CDH18: variants seen among roughly 807,000 people sequenced by gnomAD.
The protein encoded by CDH18 is cadherin 18, also known as cadherin-18.
CDH18 carries 31 observed loss-of-function variants against 67.9 expected under a neutral mutation model. That is an observed-to-expected ratio of 0.46 (90% CI 0.34 to 0.62). The LOEUF is 0.62. Ranked by LOEUF, CDH18 falls within the 20% of genes least tolerant of loss-of-function variation. CDH18 has a pLI of 0.01. For missense variants in CDH18, 890 were observed against 975.5 expected (o/e 0.91, Z 1.17); for synonymous variants, 362 against 347.2 (o/e 1.04, Z -0.48).
intron 3 of CDH18, among the ~76,000 whole-genome samples, chr5:19,830,624 T>C (rs1454104590): frequency 6.6e-6 from 1 of 152,074 alleles, no homozygotes; most frequent in Non-Finnish European, 1.5e-5. Flanking sequence ...GAAATCAGTG[T>C]GGCAATTTTT....
intron 5 of CDH18, among the ~76,000 whole-genome samples, chr5:19,654,526 G>A (rs917767729): frequency 3.3e-5 from 5 of 152,142 alleles, no homozygotes; most frequent in African/African-American, 7.2e-5. Context: ...GCAGACAGGC[G>A]GGTTTAAGAG....
chr5:19,684,691 T>G (rs904443772), intron 5 of CDH18, among the ~76,000 whole-genome samples: 1 of 151,898 alleles, frequency 6.6e-6, no homozygotes. Flanking sequence ...AATTTGGAAT[T>G]GGATATATTT....
chr5:20,515,677 G>A (rs781396407), intron 1 of CDH18, among the ~76,000 whole-genome samples: 2 of 152,058 alleles, frequency 1.3e-5, no homozygotes, highest in Non-Finnish European at 2.9e-5. Context: ...TGGAGTGTCT[G>A]CCTTTGAACT....
chr5:19,989,054 G>T (rs1278469891), upstream of CDH18, among the ~76,000 whole-genome samples: 1 of 152,096 alleles, frequency 6.6e-6, no homozygotes, highest in Non-Finnish European at 1.5e-5. Flanking sequence ...TGATAACAGG[G>T]ATTTAAGGTC....
At chr5:19,479,978 A>G (rs1389758463) in intron 12 of CDH18, among the ~76,000 whole-genome samples, 2 of 152,346 alleles carry the variant, frequency 1.3e-5, no homozygotes, top group East Asian at 3.9e-4. Flanking sequence ...TGAAAACATA[A>G]AATGTTCTTT....
intron 4 of CDH18, among the ~76,000 whole-genome samples, chr5:19,726,368 TTG>T (rs1285160564): frequency 1.3e-5 from 2 of 152,162 alleles, no homozygotes; most frequent in Non-Finnish European, 2.9e-5. Flanking sequence ...TCTCACACAA[TTG>T]TCTTTGTGTG....
Position 19,968,234 on chromosome 5 carries a change from A to C in CDH18, c.-257+12826T>G, listed in dbSNP as rs927016326. The stretch of plus-strand genomic sequence containing the variant: ...AAAACATTCCATGCTCATGGGTGGG[A>C]AGAATCAATATCGTGAAAATGGCCA... On this transcript the variant is annotated intron_variant, in intron 2 of 12. Coordinates refer to ENST00000382275, the MANE Select transcript of CDH18 (RefSeq NM_004934.5). Among the ~76,000 whole-genome samples the C allele has an allele frequency of 1.3e-3, 196 of 152,218 alleles. 1 individual carries two copies. Among genetic ancestry groups the C allele is most frequent in the African/African-American group, 4.4e-3 (183 of 41,478 alleles).
At chr5:20,513,477 A>T (rs921156911) in intron 1 of CDH18, among the ~76,000 whole-genome samples, 5 of 152,146 alleles carry the variant, frequency 3.3e-5, no homozygotes, top group African/African-American at 1.2e-4. Context: ...TGGTCCAATG[A>T]CCAAAGTTTT....
At position 19,599,566 on chromosome 5, in the gene CDH18, C is replaced by T. The variant is rs565547832; in HGVS notation, c.812-8322G>A. Among the ~76,000 whole-genome samples, 9 of 151,826 alleles carry T rather than the reference C, an allele frequency of 5.9e-5. No individual in the cohort carries two copies. In the South Asian group the frequency reaches 8.4e-4, roughly 14 times the overall value. On this transcript the variant is annotated intron_variant, in intron 6 of 12. Transcript: ENST00000382275. Reference sequence around the variant, plus strand: ...TTATTAATAGTCATCAGCTCTGTGACGATATTTCATCTGATTTGTGTAGCA... The same window carrying T: ...TTATTAATAGTCATCAGCTCTGTGATGATATTTCATCTGATTTGTGTAGCA...
At chr5:20,097,198 C>T (rs573053385) in intron 2 of CDH18, among the ~76,000 whole-genome samples, 123 of 152,186 alleles carry the variant, frequency 8.1e-4, no homozygotes, top group African/African-American at 2.9e-3. Context: ...ACTAGCTCAT[C>T]CCCAGTTCCA....
At chr5:19,902,311 C>T (rs1426997100) in intron 2 of CDH18, among the ~76,000 whole-genome samples, 7 of 152,212 alleles carry the variant, frequency 4.6e-5, no homozygotes, top group South Asian at 4.2e-4. Flanking sequence ...TATGGCTGAA[C>T]GGATGGCAAA....
chr5:19,919,014 T>A (rs1308692686), intron 2 of CDH18, among the ~76,000 whole-genome samples: 1 of 151,528 alleles, frequency 6.6e-6, no homozygotes, highest in African/African-American at 2.4e-5. Context: ...AGACTGGAAA[T>A]GGTTGAGTGA....
At chr5:19,737,779 GATAC>G (rs1449667268) in intron 4 of CDH18, among the ~76,000 whole-genome samples, 1 of 152,140 alleles carries the variant, frequency 6.6e-6, no homozygotes, top group Non-Finnish European at 1.5e-5. Context: ...CTTATAAAAT[GATAC>G]AAACAATTTT....
chr5:20,026,827 G>A (rs1047383204), intron 2 of CDH18, among the ~76,000 whole-genome samples: 17 of 152,030 alleles, frequency 1.1e-4, no homozygotes, highest in Admixed American at 1.1e-3. Flanking sequence ...CATGGTGGTG[G>A]GCACCTGTAG....
chr5:19,977,525 T>A (rs906613297), intron 2 of CDH18, among the ~76,000 whole-genome samples: 4 of 152,170 alleles, frequency 2.6e-5, no homozygotes, highest in Non-Finnish European at 4.4e-5. Context: ...CCATCATGTC[T>A]AGGATTGTTT....
intron 2 of CDH18, among the ~76,000 whole-genome samples, chr5:20,113,890 AG>A (rs1195006001): frequency 6.6e-6 from 1 of 152,178 alleles, no homozygotes; most frequent in East Asian, 1.9e-4. Flanking sequence ...TTGAGGCAAA[AG>A]ATAATTATAT....
At chr5:19,708,925 C>T (rs2150517540) in intron 5 of CDH18, among the ~76,000 whole-genome samples, 1 of 152,154 alleles carries the variant, frequency 6.6e-6, no homozygotes, top group South Asian at 2.1e-4. Flanking sequence ...TTAGGGACTC[C>T]ATGACCGAGC....
intron 1 of CDH18, among the ~76,000 whole-genome samples, chr5:20,278,669 A>G (rs1026783165): frequency 6.6e-6 from 1 of 152,290 alleles, no homozygotes; most frequent in African/African-American, 2.4e-5. Context: ...AAAATAAAAG[A>G]TGACCTGATT....
At chr5:20,040,487 C>T (rs141752683) in intron 2 of CDH18, among the ~76,000 whole-genome samples, 285 of 151,996 alleles carry the variant, frequency 1.9e-3, no homozygotes, top group African/African-American at 6.4e-3. Context: ...AGATGTGTAA[C>T]GTTTTGAAAT....
Sources: allele counts gnomAD v4.1 joint callset (sites outside exome capture counted in the v4.1 genomes callset), GRCh38; gene constraint gnomAD v4.1.1; transcripts MANE v1.5; gene names NCBI Gene and HGNC (gene_info 2026-07-23, HGNC 2026-07-21).